PTCD2: variants seen among roughly 807,000 people sequenced by gnomAD.
The protein encoded by PTCD2 is pentatricopeptide repeat domain 2.
PTCD2 carries 31 observed loss-of-function variants against 42.6 expected under a neutral mutation model. The ratio of observed to expected loss-of-function variants is 0.73; its 90% CI spans 0.55 to 0.98. PTCD2 has a LOEUF of 0.98. Among genes scored for constraint, PTCD2 ranks in the 50% least tolerant of loss-of-function variants. The pLI, the probability that PTCD2 is intolerant of heterozygous loss-of-function variation, is 0.00. For missense variants in PTCD2, 476 were observed against 454.8 expected (o/e 1.05, Z -0.42); for synonymous variants, 183 against 170.9 (o/e 1.07, Z -0.55).
rs1312625203 is a variant in PTCD2 at position 72,362,956 on chromosome 5, G to A, written c.*4529G>A. 5 of 152,270 alleles carry A rather than the reference G, an allele frequency of 3.3e-5. No homozygotes were observed. The East Asian group carries it at 9.6e-4, about 29-fold the overall frequency. The allele number at this position is 152,270 out of a possible 1,614,324, so 9.4% of individuals were successfully genotyped here. A position where few individuals can be genotyped will look rare whatever the true frequency, so the allele number is the denominator to read the frequency against. On this transcript the variant is annotated 3_prime_UTR_variant, in exon 10 of 10. Coordinates refer to ENST00000380639, the MANE Select transcript of PTCD2 (RefSeq NM_024754.5). ...GATAGTTTTGTTGAGGATGATTCAG[G>A]AAATAAATACAAACTTTTAACTACT...
At chr5:72,352,926 C>T (rs1752693471) in intron 9 of PTCD2, among the ~76,000 whole-genome samples, 172 bp downstream of exon 9, 1 of 151,662 alleles carries the variant, frequency 6.6e-6, no homozygotes, top group South Asian at 2.1e-4. Flanking sequence ...TTTTTTTCTT[C>T]CAACAGAATA....
chr5:72,332,686 AT>A (rs1272618355), intron 4 of PTCD2, among the ~76,000 whole-genome samples: 2 of 152,180 alleles, frequency 1.3e-5, no homozygotes, highest in Non-Finnish European at 2.9e-5. Context: ...AAAGTCATGT[AT>A]AGGTAAATTT....
At chr5:72,353,019 T>C (rs553864065) in intron 9 of PTCD2, among the ~76,000 whole-genome samples, 1 of 152,366 alleles carries the variant, frequency 6.6e-6, no homozygotes, top group East Asian at 1.9e-4. Context: ...GCTCTCTTTT[T>C]CTTCTAGATG....
chr5:72,320,668 C>T, intron 1 of PTCD2, 159 bp downstream of exon 1: 7 of 955,478 alleles, frequency 7.3e-6, no homozygotes, highest in Non-Finnish European at 1.1e-5. Context: ...CAGTGGTGAC[C>T]ACTGGGGGTC....
chr5:72,345,120 C>T (rs571298313), intron 8 of PTCD2, among the ~76,000 whole-genome samples: 6 of 152,254 alleles, frequency 3.9e-5, no homozygotes, highest in Middle Eastern at 3.4e-3. Context: ...CCTACAGCTT[C>T]GACCATAAAA....
At chr5:72,324,199 A>AGTTCCAG (rs1751015195) in intron 2 of PTCD2, among the ~76,000 whole-genome samples, 1 of 152,182 alleles carries the variant, frequency 6.6e-6, no homozygotes, top group African/African-American at 2.4e-5. Flanking sequence ...TCCAGTTGTC[A>AGTTCCAG]TAGTCTTCAT....
At chr5:72,344,827 G>C (rs1003464805) in intron 8 of PTCD2, among the ~76,000 whole-genome samples, 1 of 152,136 alleles carries the variant, frequency 6.6e-6, no homozygotes, top group East Asian at 1.9e-4. Flanking sequence ...ATTTCAAAAG[G>C]GGAGGGAGTG....
intron 2 of PTCD2, among the ~76,000 whole-genome samples, chr5:72,325,614 A>G (rs1326574229): frequency 2.0e-5 from 3 of 152,212 alleles, no homozygotes; most frequent in African/African-American, 7.2e-5. Flanking sequence ...GAGCCACTGC[A>G]TTATCTCAAA....
chr5:72,357,469 G>A (rs929526942), intron 9 of PTCD2, among the ~76,000 whole-genome samples: 1 of 152,058 alleles, frequency 6.6e-6, no homozygotes, highest in Non-Finnish European at 1.5e-5. Flanking sequence ...CCACATTTCT[G>A]TACACTCCAG....
At chr5:72,354,534 CAT>C (rs1317631141) in intron 9 of PTCD2, among the ~76,000 whole-genome samples, 2 of 151,962 alleles carry the variant, frequency 1.3e-5, no homozygotes, top group Non-Finnish European at 2.9e-5. Context: ...TTCTCTTGCC[CAT>C]ATCAAGAAAA....
chr5:72,336,409 C>T (rs1056102235), intron 6 of PTCD2, among the ~76,000 whole-genome samples: 1 of 152,194 alleles, frequency 6.6e-6, no homozygotes, highest in Non-Finnish European at 1.5e-5. Context: ...CCATTCTCTC[C>T]ACTTGAGTGT....
chr5:72,332,616 A>G (rs1214526545), intron 4 of PTCD2, among the ~76,000 whole-genome samples: 1 of 149,422 alleles, frequency 6.7e-6, no homozygotes, highest in African/African-American at 2.6e-5. Flanking sequence ...GTATGGTGAT[A>G]AAAACAAAAA....
At chr5:72,355,172 T>A (rs1286681782) in intron 9 of PTCD2, among the ~76,000 whole-genome samples, 2 of 152,242 alleles carry the variant, frequency 1.3e-5, no homozygotes, top group African/African-American at 4.8e-5. Flanking sequence ...ACTGACTTTA[T>A]CAGTCCTAAA....
chr5:72,337,598 C>T (rs1001758052), intron 6 of PTCD2, among the ~76,000 whole-genome samples: 1 of 152,122 alleles, frequency 6.6e-6, no homozygotes, highest in African/African-American at 2.4e-5. Context: ...GAGTTCGAGA[C>T]CAGCCTGGCC....
intron 8 of PTCD2, among the ~76,000 whole-genome samples, chr5:72,348,691 AC>A (rs1165542322): frequency 6.6e-6 from 1 of 152,254 alleles, no homozygotes; most frequent in African/African-American, 2.4e-5. Context: ...AATAGCAGAG[AC>A]CAGTGCAGGG....
rs190023627 is a variant in PTCD2 at position 72,345,617 on chromosome 5, A to G, written c.828+2581A>G. ...AATTATAAACGTATTAATTTGGGGAACTAATAAATGTCCATGAAATCTTCA... is the reference window on the plus strand; with the variant it reads ...AATTATAAACGTATTAATTTGGGGAGCTAATAAATGTCCATGAAATCTTCA... On this transcript the variant is annotated intron_variant, in intron 8 of 9. Coordinates refer to ENST00000380639, the MANE Select transcript of PTCD2 (RefSeq NM_024754.5). 3.5e-4 allele frequency among the ~76,000 whole-genome samples: 54 copies of G among 152,336 alleles called. No individual in the cohort carries two copies. The East Asian group carries it at 9.6e-3, about 27-fold the overall frequency.
chr5:72,352,577 TACATTTC>T, intron 8 of PTCD2, 57 bp from the exon 9 acceptor site: 1 of 764,028 alleles, frequency 1.3e-6, no homozygotes, highest in Admixed American at 2.3e-5. Context: ...TCTAACCAGG[TACATTTC>T]TCAGCATTGA....
intron 4 of PTCD2, 63 bp downstream of exon 4, chr5:72,331,438 A>G: frequency 9.1e-7 from 1 of 1,102,770 alleles, no homozygotes; most frequent in Non-Finnish European, 1.4e-6. Flanking sequence ...TGGAAAAGGC[A>G]TGTCTTCTAT....
In PTCD2 at chr5:72,363,755, G is replaced by A. The variant is rs1281846289; in HGVS notation, c.*5328G>A. ...TTGAATCAAGAGTTCCAAGGCATTA[G>A]GTTAAAGACATTGAAAAATATATCC... On this transcript the variant is annotated 3_prime_UTR_variant, in exon 10 of 10. Transcript: ENST00000380639. 1.3e-5 allele frequency: 2 copies of A among 152,102 alleles called. No homozygotes were observed. Among genetic ancestry groups the A allele is most frequent in the Admixed American group, 6.5e-5 (1 of 15,270 alleles). 9.4% of individuals were successfully genotyped at this position (152,102 alleles called of 1,614,324 possible). A position where few individuals can be genotyped will look rare whatever the true frequency, so the allele number is the denominator to read the frequency against.
Sources: gnomAD v4.1 joint callset for allele counts (sites outside exome capture counted in the v4.1 genomes callset) on GRCh38, gnomAD v4.1.1 for gene constraint, MANE v1.5 for transcripts, NCBI Gene and HGNC (gene_info 2026-07-23, HGNC 2026-07-21) for gene names.